The following CHST9 variants were observed in gnomAD, a reference collection of about 807,000 sequenced individuals.
CHST9 encodes the protein GalNAc-4-sulfotransferase 2.
Under a neutral mutation model 44.4 loss-of-function variants are expected in CHST9, and 41 were observed. That is an observed-to-expected ratio of 0.92 (90% CI 0.72 to 1.20). The LOEUF (loss-of-function observed/expected upper bound fraction) is 1.20. Among genes scored for constraint, CHST9 ranks in the 50% most tolerant of loss-of-function variants. The pLI is 0.00. For synonymous variants in CHST9, 171 were observed against 178.4 expected, an observed-to-expected ratio of 0.96 and a Z score of 0.33; for missense variants, 504 against 516.5, an observed-to-expected ratio of 0.98 and a Z score of 0.23.
intron 4 of CHST9, among the ~76,000 whole-genome samples, chr18:26,969,107 T>A (rs56218423): frequency 0.27 from 40,616 of 150,966 alleles, 6,059 homozygotes; most frequent in African/African-American, 0.41. Context: ...CACGCCATTC[T>A]CCTGCCTCAG....
intron 4 of CHST9, among the ~76,000 whole-genome samples, chr18:26,973,483 A>C (rs1182116864): frequency 1.3e-5 from 2 of 152,244 alleles, no homozygotes; most frequent in Non-Finnish European, 2.9e-5. Flanking sequence ...CTTTAGATCA[A>C]GCTTATCCAA....
At chr18:27,047,688 T>A (rs949431400) in intron 3 of CHST9, among the ~76,000 whole-genome samples, 2 of 152,162 alleles carry the variant, frequency 1.3e-5, no homozygotes, top group Non-Finnish European at 1.5e-5. Flanking sequence ...TGGGAGTGAT[T>A]GGTAGCTCTT....
chr18:27,172,302 AT>A (rs772936591), intron 1 of CHST9, among the ~76,000 whole-genome samples: 6 of 152,090 alleles, frequency 3.9e-5, no homozygotes, highest in Non-Finnish European at 7.4e-5. Flanking sequence ...CTTTTAAAAA[AT>A]ATCTGAAATA....
intron 4 of CHST9, among the ~76,000 whole-genome samples, chr18:26,982,735 T>C (rs761057294): frequency 6.6e-6 from 1 of 152,204 alleles, no homozygotes; most frequent in Non-Finnish European, 1.5e-5. Context: ...CCATTTACTG[T>C]ACCTTGTTCC....
chr18:27,020,500 G>A (rs1285210323), intron 4 of CHST9, among the ~76,000 whole-genome samples: 2 of 152,194 alleles, frequency 1.3e-5, no homozygotes, highest in Non-Finnish European at 2.9e-5. Flanking sequence ...CTTTTCACAG[G>A]TGCCTGGAAT....
At chr18:26,925,242 C>T (rs2145070618) in intron 5 of CHST9, among the ~76,000 whole-genome samples, 1 of 152,202 alleles carries the variant, frequency 6.6e-6, no homozygotes, top group Non-Finnish European at 1.5e-5. Context: ...CATTTCCTGT[C>T]TCTGTGACTT....
chr18:26,929,754 A>T (rs1459434437), intron 5 of CHST9, among the ~76,000 whole-genome samples: 1 of 151,972 alleles, frequency 6.6e-6, no homozygotes, highest in Non-Finnish European at 1.5e-5. Flanking sequence ...ACGGGGTAGG[A>T]GGAGAGAGAG....
chr18:27,043,617 C>T (rs2057468761), intron 3 of CHST9, among the ~76,000 whole-genome samples: 1 of 151,986 alleles, frequency 6.6e-6, no homozygotes, highest in South Asian at 2.1e-4. Context: ...AGTAAAGACA[C>T]CTCAGACCTT....
intron 2 of CHST9, among the ~76,000 whole-genome samples, chr18:27,111,333 CA>C (rs1408920101): frequency 1.3e-5 from 2 of 152,140 alleles, no homozygotes; most frequent in African/African-American, 4.8e-5. Context: ...ATTGACCTTA[CA>C]GGGTTTTGGA....
intron 1 of CHST9, among the ~76,000 whole-genome samples, chr18:27,169,798 G>A (rs563223484): frequency 1.5e-4 from 23 of 151,802 alleles, no homozygotes; most frequent in Admixed American, 1.3e-3. Flanking sequence ...TAGTAGAGAC[G>A]GGATTTCACC....
chr18:27,149,557 C>T (rs1222535399), intron 1 of CHST9, among the ~76,000 whole-genome samples: 3 of 149,508 alleles, frequency 2.0e-5, no homozygotes, highest in Admixed American at 1.3e-4. Flanking sequence ...GTATATATCC[C>T]GTAATGGGAT....
At chr18:27,023,994 G>C (rs1449035990) in intron 4 of CHST9, 122 bp downstream of exon 4, 7 of 925,418 alleles carry the variant, frequency 7.6e-6, no homozygotes. Flanking sequence ...GCTTCCTAGG[G>C]ATGGCTATCA....
At chr18:27,154,786 A>G (rs2058685506) in intron 1 of CHST9, among the ~76,000 whole-genome samples, 1 of 152,030 alleles carries the variant, frequency 6.6e-6, no homozygotes, top group African/African-American at 2.4e-5. Context: ...ACAGCTCATT[A>G]TGTAACCTCT....
chr18:26,975,063 C>T (rs2056600651), intron 4 of CHST9, among the ~76,000 whole-genome samples: 1 of 152,220 alleles, frequency 6.6e-6, no homozygotes, highest in South Asian at 2.1e-4. Context: ...TGTTACGCGG[C>T]AGAGCTGCAA....
intron 2 of CHST9, among the ~76,000 whole-genome samples, chr18:27,085,273 A>C (rs893556880): frequency 3.3e-5 from 5 of 152,152 alleles, no homozygotes; most frequent in Non-Finnish European, 7.4e-5. Context: ...GACAAGTGGG[A>C]CCTAATTAAA....
intron 5 of CHST9, among the ~76,000 whole-genome samples, chr18:26,931,607 G>A (rs984967975): frequency 1.1e-4 from 16 of 152,184 alleles, no homozygotes; most frequent in Non-Finnish European, 1.6e-4. Flanking sequence ...CCTGAGCAAA[G>A]AGGGTTGTCT....
At chr18:27,127,801 A>G (rs754401338) in intron 2 of CHST9, among the ~76,000 whole-genome samples, 6 of 152,088 alleles carry the variant, frequency 3.9e-5, no homozygotes, top group Non-Finnish European at 8.8e-5. Flanking sequence ...GTAGAAGAAT[A>G]AGGAGGAGGA....
At chr18:27,001,739 A>G (rs537850138) in intron 4 of CHST9, among the ~76,000 whole-genome samples, 145 of 152,308 alleles carry the variant, frequency 9.5e-4, no homozygotes, top group African/African-American at 3.3e-3. Flanking sequence ...GAACTTAGTT[A>G]TTGAGGATCT....
chr18:26,973,093 T>C (rs945168666), intron 4 of CHST9, among the ~76,000 whole-genome samples: 1 of 152,222 alleles, frequency 6.6e-6, no homozygotes, highest in Non-Finnish European at 1.5e-5. Flanking sequence ...ATGTCTCCCG[T>C]TGGAGAGGCT....
Sources: allele counts gnomAD v4.1 joint callset (sites outside exome capture counted in the v4.1 genomes callset), GRCh38; gene constraint gnomAD v4.1.1; transcripts MANE v1.5; gene names NCBI Gene and HGNC (gene_info 2026-07-23, HGNC 2026-07-21).